The following SRGAP3 variants were observed in gnomAD, a reference collection of about 807,000 sequenced individuals.
The protein encoded by SRGAP3 is SLIT-ROBO Rho GTPase activating protein 3, also known as SLIT-ROBO Rho GTPase-activating protein 3.
A neutral mutation model predicts 121.1 loss-of-function variants in SRGAP3; 39 were observed. The observed-to-expected ratio is 0.32, with a 90% CI of 0.25 to 0.42. SRGAP3 has a LOEUF of 0.42. Ranked by LOEUF, SRGAP3 falls within the 10% of genes least tolerant of loss-of-function variation. SRGAP3 has a pLI of 1.00. For missense variants in SRGAP3, 1,213 were observed against 1,470.6 expected (o/e 0.82, Z 2.86); for synonymous variants, 601 against 570.0 (o/e 1.05, Z -0.77).
intron 1 of SRGAP3, among the ~76,000 whole-genome samples, chr3:9,359,045 C>A (rs1381941814): frequency 2.0e-5 from 3 of 152,094 alleles, no homozygotes; most frequent in Non-Finnish European, 4.4e-5. Flanking sequence ...AGAAAGAACA[C>A]GGACTTGGAT....
chr3:9,023,342 CAA>C (rs1226054876), intron 14 of SRGAP3, among the ~76,000 whole-genome samples: 1 of 152,184 alleles, frequency 6.6e-6, no homozygotes, highest in Non-Finnish European at 1.5e-5. Context: ...CCAGTGCTGC[CAA>C]GAGAGGCTCA....
chr3:9,280,473 G>C (rs1332090103), intron 3 of SRGAP3, among the ~76,000 whole-genome samples: 1 of 152,234 alleles, frequency 6.6e-6, no homozygotes, highest in Non-Finnish European at 1.5e-5. Context: ...TGTACAGCGT[G>C]GTGGCAACTG....
chr3:9,246,594 C>G (rs1199293512), intron 1 of SRGAP3, among the ~76,000 whole-genome samples: 1 of 152,176 alleles, frequency 6.6e-6, no homozygotes, highest in Non-Finnish European at 1.5e-5. Context: ...GTCTCTGAAA[C>G]TGAGTTCACA....
At chr3:8,992,631 T>A in intron 20 of SRGAP3, 1 of 537,830 alleles carries the variant, frequency 1.9e-6, no homozygotes, top group Non-Finnish European at 3.3e-6. Context: ...CCAATTTGTA[T>A]CTCTCTCACA....
rs548927415 is a variant in SRGAP3 at position 9,241,230 on chromosome 3, C to T, written c.67+7655G>A. Among the ~76,000 whole-genome samples, 115 of 151,768 alleles carry T rather than the reference C, an allele frequency of 7.6e-4. 1 individual carries two copies. The South Asian group carries it at 0.023, about 30-fold the overall frequency. On this transcript the variant is annotated intron_variant, in intron 1 of 21. Coordinates refer to ENST00000383836, the MANE Select transcript of SRGAP3 (RefSeq NM_014850.4). ...TTAGATACTCCATATATGACTGAGACATAGAAGCTAAAAAAAAAATGAATT... is the reference window on the plus strand; with the variant it reads ...TTAGATACTCCATATATGACTGAGATATAGAAGCTAAAAAAAAAATGAATT...
chr3:9,223,319 C>T (rs1952877503), intron 1 of SRGAP3, among the ~76,000 whole-genome samples: 1 of 152,066 alleles, frequency 6.6e-6, no homozygotes, highest in South Asian at 2.1e-4. Flanking sequence ...GTCAGTAGGT[C>T]TAGAAGATGC....
At chr3:8,988,854 C>T (rs560962883) in intron 21 of SRGAP3, among the ~76,000 whole-genome samples, 1 of 152,302 alleles carries the variant, frequency 6.6e-6, no homozygotes, top group South Asian at 2.1e-4. Flanking sequence ...GGGTTCACGG[C>T]CTGTGAAGAT....
chr3:8,998,337 T>C (rs1420580178), intron 18 of SRGAP3, among the ~76,000 whole-genome samples: 2 of 152,196 alleles, frequency 1.3e-5, no homozygotes, highest in East Asian at 3.8e-4. Flanking sequence ...TATGTGCCGT[T>C]TGCTAATTTC....
chr3:9,171,625 TTTA>T (rs886182844), intron 1 of SRGAP3, among the ~76,000 whole-genome samples: 15 of 152,206 alleles, frequency 9.9e-5, no homozygotes, highest in African/African-American at 3.1e-4. Context: ...TAAAAGTTTT[TTTA>T]TTATTATTAA....
At chr3:9,282,763 T>A (rs554808466) in intron 3 of SRGAP3, among the ~76,000 whole-genome samples, 1 of 151,354 alleles carries the variant, frequency 6.6e-6, no homozygotes, top group South Asian at 2.1e-4. Flanking sequence ...ATTACAGGAG[T>A]GAGTCACTGT....
rs187488282 is a variant in SRGAP3 at position 8,984,178 on chromosome 3, G to A, written c.*1341C>T. On this transcript the variant is annotated 3_prime_UTR_variant, in exon 22 of 22. Transcript: ENST00000383836. ...TTCATCTACACTAAATGTTCTGGAG[G>A]GAGTGGGTGAAGGGGGAGGGAAGGG... 1.2e-4 allele frequency: 28 copies of A among 231,046 alleles called. No individual in the cohort carries two copies. The highest frequency in any genetic ancestry group is 1.3e-3 in the Middle Eastern group (1 of 786). 14.3% of individuals were successfully genotyped at this position (231,046 alleles called of 1,614,324 possible).
chr3:9,011,912 T>C (rs534902397), intron 17 of SRGAP3, among the ~76,000 whole-genome samples: 10 of 152,366 alleles, frequency 6.6e-5, no homozygotes, highest in Admixed American at 2.0e-4. Context: ...TATATTGTTC[T>C]TTGATAAGTA....
chr3:9,057,890 C>A (rs1945905305), intron 7 of SRGAP3, among the ~76,000 whole-genome samples: 1 of 152,150 alleles, frequency 6.6e-6, no homozygotes, highest in Non-Finnish European at 1.5e-5. Flanking sequence ...TGGAATGCAC[C>A]AGCCTGAATG....
At chr3:9,080,565 G>T (rs1041013181) in intron 3 of SRGAP3, among the ~76,000 whole-genome samples, 1 of 152,114 alleles carries the variant, frequency 6.6e-6, no homozygotes, top group African/African-American at 2.4e-5. Context: ...AAGTCCTCCA[G>T]GAAAAATCTC....
At chr3:9,259,535 C>A (rs1412197920) in intron 3 of SRGAP3, among the ~76,000 whole-genome samples, 1 of 152,150 alleles carries the variant, frequency 6.6e-6, no homozygotes, top group East Asian at 1.9e-4. Flanking sequence ...CCTCAAAGAC[C>A]TGGGCTCAAA....
At chr3:9,087,759 G>A (rs1947565650) in intron 3 of SRGAP3, among the ~76,000 whole-genome samples, 1 of 152,184 alleles carries the variant, frequency 6.6e-6, no homozygotes, top group South Asian at 2.1e-4. Flanking sequence ...GGGTTGTTGA[G>A]CAGAAGTTTA....
intron 3 of SRGAP3, among the ~76,000 whole-genome samples, chr3:9,095,096 G>A (rs973286066): frequency 6.6e-6 from 1 of 151,952 alleles, no homozygotes; most frequent in Non-Finnish European, 1.5e-5. Context: ...ACTTTCTGTG[G>A]CTTATCAATT....
chr3:9,349,246 C>A, intron 1 of SRGAP3: 1 of 566,860 alleles, frequency 1.8e-6, no homozygotes, highest in Non-Finnish European at 3.3e-6. Context: ...CCATCGCGTC[C>A]CCCTGCCCCT....
chr3:9,158,642 C>G (rs1400886196), intron 1 of SRGAP3, among the ~76,000 whole-genome samples: 1 of 152,182 alleles, frequency 6.6e-6, no homozygotes, highest in Non-Finnish European at 1.5e-5. Flanking sequence ...CTCACTTAAA[C>G]CACCTCTGCA....
Sources: allele counts gnomAD v4.1 joint callset (sites outside exome capture counted in the v4.1 genomes callset), GRCh38; gene constraint gnomAD v4.1.1; transcripts MANE v1.5; gene names NCBI Gene and HGNC (gene_info 2026-07-23, HGNC 2026-07-21).